The following MAPK14 variants were observed in gnomAD, a reference collection of about 807,000 sequenced individuals.
MAPK14 encodes CSAID-binding protein.
A neutral mutation model predicts 49.6 loss-of-function variants in MAPK14; 16 were observed. That is an observed-to-expected ratio of 0.32 (90% CI 0.22 to 0.49). MAPK14 has a LOEUF of 0.49. MAPK14 is among the 20% of genes least tolerant of loss of function. The pLI is 0.99. For missense variants in MAPK14, 200 were observed against 441.2 expected, an observed-to-expected ratio of 0.45 and a Z score of 4.90; for synonymous variants, 142 against 158.0, an observed-to-expected ratio of 0.90 and a Z score of 0.76.
chr6:36,087,453 A>G (rs183423579), intron 8 of MAPK14, among the ~76,000 whole-genome samples: 38 of 152,326 alleles, frequency 2.5e-4, no homozygotes, highest in Admixed American at 2.2e-3. Context: ...ACAAAATCAA[A>G]GTGCAAAAAT....
chr6:36,097,550 A>C (rs1765486194), intron 9 of MAPK14: 1 of 152,192 alleles, frequency 6.6e-6, no homozygotes, highest in African/African-American at 2.4e-5. Flanking sequence ...GGAGGAGCTC[A>C]ATTAATAAAT....
rs895112198 is a variant in MAPK14 at position 36,072,746 on chromosome 6, A to T, written c.306-127A>T. 5.5e-6 allele frequency: 3 copies of T among 544,580 alleles called. No individual in the cohort carries two copies. In the South Asian group the frequency reaches 6.8e-5, roughly 12 times the overall value. 33.7% of individuals were successfully genotyped at this position (544,580 alleles called of 1,614,324 possible). On this transcript the variant is annotated intron_variant, in intron 3 of 11. Coordinates refer to ENST00000229794, the MANE Select transcript of MAPK14 (RefSeq NM_139012.3). ...CGCCACTGCACTCCAGCCTGGCAGT[A>T]GAGCGAGACTCCATTTCAAAAACAA... is the stretch of plus-strand genomic sequence containing the variant.
intron 1 of MAPK14, among the ~76,000 whole-genome samples, chr6:36,031,100 C>T (rs1303539775): frequency 6.6e-6 from 1 of 152,204 alleles, no homozygotes; most frequent in Non-Finnish European, 1.5e-5. Flanking sequence ...CTGCAACTTC[C>T]ACCTCCTGGG....
intron 3 of MAPK14, among the ~76,000 whole-genome samples, chr6:36,060,623 T>G (rs1763781140): frequency 6.6e-6 from 1 of 152,140 alleles, no homozygotes; most frequent in Non-Finnish European, 1.5e-5. Context: ...TGGTTTCAGT[T>G]TCTCCCATTC....
intron 8 of MAPK14, among the ~76,000 whole-genome samples, chr6:36,088,027 A>G (rs1215336323): frequency 1.3e-5 from 2 of 152,188 alleles, no homozygotes; most frequent in Non-Finnish European, 2.9e-5. Flanking sequence ...GCAATGGGGA[A>G]AGGATTCCCT....
intron 8 of MAPK14, among the ~76,000 whole-genome samples, chr6:36,090,076 C>T (rs1488113369): frequency 6.6e-6 from 1 of 152,176 alleles, no homozygotes; most frequent in Non-Finnish European, 1.5e-5. Context: ...AATCCACTTG[C>T]CATCAGTTAC....
chr6:36,037,444 A>T (rs946250665), intron 1 of MAPK14, among the ~76,000 whole-genome samples: 4 of 152,060 alleles, frequency 2.6e-5, no homozygotes, highest in African/African-American at 9.7e-5. Context: ...GGAGTCTAGG[A>T]TTTCTAAGTT....
intron 10 of MAPK14, among the ~76,000 whole-genome samples, chr6:36,102,943 G>T (rs1249351638): frequency 5.3e-5 from 8 of 152,232 alleles, no homozygotes; most frequent in Non-Finnish European, 1.0e-4. Flanking sequence ...GAGGCAGGAA[G>T]AAGCAGATAC....
the MAPK14 span, among the ~76,000 whole-genome samples, chr6:36,122,875 C>G: frequency 3.3e-5 from 5 of 152,318 alleles, no homozygotes; most frequent in East Asian, 9.6e-4. Context: ...AGACTCAGCC[C>G]TGTCTCCCAG....
intron 2 of MAPK14, among the ~76,000 whole-genome samples, chr6:36,055,667 C>T (rs552345277): frequency 5.3e-5 from 8 of 152,004 alleles, no homozygotes; most frequent in African/African-American, 1.7e-4. Flanking sequence ...CGCAGTGGCT[C>T]ATGCCTGTAA....
chr6:36,112,983 G>A (rs1766001967), downstream of MAPK14, among the ~76,000 whole-genome samples: 1 of 152,182 alleles, frequency 6.6e-6, no homozygotes, highest in Admixed American at 6.5e-5. Flanking sequence ...TAGCTCATTA[G>A]TGAATGTTTT....
intron 8 of MAPK14, among the ~76,000 whole-genome samples, chr6:36,087,356 G>A (rs759681239): frequency 6.6e-6 from 1 of 152,146 alleles, no homozygotes; most frequent in Non-Finnish European, 1.5e-5. Context: ...CTGTTTGCAG[G>A]TGACATGATC....
chr6:36,032,084 T>A (rs976873004), intron 1 of MAPK14, among the ~76,000 whole-genome samples: 9 of 152,110 alleles, frequency 5.9e-5, no homozygotes, highest in African/African-American at 1.9e-4. Flanking sequence ...ACCCAGCCCC[T>A]GAATTTTATT....
intron 10 of MAPK14, among the ~76,000 whole-genome samples, chr6:36,103,121 C>G (rs761364297): frequency 2.0e-4 from 30 of 152,070 alleles, no homozygotes; most frequent in Non-Finnish European, 4.1e-4. Context: ...CTGTCGTCTT[C>G]CACACTCATG....
chr6:36,091,942 A>G, intron 8 of MAPK14: 1 of 239,756 alleles, frequency 4.2e-6, no homozygotes. Flanking sequence ...TTTGTGAAGA[A>G]GGCCTGGTAG....
chr6:36,072,062 G>A (rs1476358192), intron 3 of MAPK14, among the ~76,000 whole-genome samples: 3 of 152,042 alleles, frequency 2.0e-5, no homozygotes, highest in Admixed American at 6.5e-5. Context: ...TAGAACAGAT[G>A]GCAGGTAGTT....
chr6:36,114,481 G>C (rs1034000187), downstream of MAPK14, among the ~76,000 whole-genome samples: 5 of 151,986 alleles, frequency 3.3e-5, no homozygotes, highest in Non-Finnish European at 5.9e-5. Flanking sequence ...AGCCGGGCTT[G>C]GTGGTGGGCA....
intron 10 of MAPK14, among the ~76,000 whole-genome samples, chr6:36,105,071 A>G (rs1338922329): frequency 6.6e-6 from 1 of 152,190 alleles, no homozygotes; most frequent in Admixed American, 6.5e-5. Context: ...GATGGAGCAC[A>G]GTGTTACTAT....
intron 3 of MAPK14, among the ~76,000 whole-genome samples, chr6:36,070,796 T>C (rs778877197): frequency 6.6e-6 from 1 of 152,014 alleles, no homozygotes; most frequent in African/African-American, 2.4e-5. Context: ...GTAATAAATA[T>C]AGTGTATTAG....
Sources: gnomAD v4.1 joint callset for allele counts (sites outside exome capture counted in the v4.1 genomes callset) on GRCh38, gnomAD v4.1.1 for gene constraint, MANE v1.5 for transcripts, NCBI Gene and HGNC (gene_info 2026-07-23, HGNC 2026-07-21) for gene names.